The following PTRH2 variants were observed in gnomAD, a reference collection of about 807,000 sequenced individuals.
PTRH2 encodes the protein peptidyl-tRNA hydrolase 2, also known as peptidyl-tRNA hydrolase 2, mitochondrial.
PTRH2 carries 10 observed loss-of-function variants against 12.3 expected under a neutral mutation model. The observed-to-expected ratio is 0.81, with a 90% CI of 0.50 to 1.38. The LOEUF (loss-of-function observed/expected upper bound fraction) is 1.38, where lower values mean the gene tolerates loss of function less well. Ranked by LOEUF, PTRH2 falls within the 40% of genes most tolerant of loss-of-function variation. PTRH2 has a pLI of 0.00. For synonymous variants in PTRH2, 73 were observed against 77.4 expected, an observed-to-expected ratio of 0.94 and a Z score of 0.30; for missense variants, 176 against 214.1, an observed-to-expected ratio of 0.82 and a Z score of 1.11.
At chr17:59,703,238 G>C (rs927895815) in intron 1 of PTRH2, among the ~76,000 whole-genome samples, 1 of 151,860 alleles carries the variant, frequency 6.6e-6, no homozygotes, top group Admixed American at 6.6e-5. Flanking sequence ...TGCCCAGGCT[G>C]GTCTCGAACT....
chr17:59,698,994 C>A (rs139491102), intron 1 of PTRH2: 2 of 672,992 alleles, frequency 3.0e-6, no homozygotes, highest in East Asian at 2.7e-5. Flanking sequence ...TGATGAACAT[C>A]GAGAATAGGT....
At chr17:59,705,683 G>A (rs2033631020) in intron 1 of PTRH2, among the ~76,000 whole-genome samples, 1 of 152,144 alleles carries the variant, frequency 6.6e-6, no homozygotes, top group Admixed American at 6.5e-5. Context: ...TTGAGGTCGA[G>A]GCAGCAGCAT....
intron 1 of PTRH2, chr17:59,700,775 T>A (rs769721163): frequency 1.3e-5 from 2 of 152,102 alleles, no homozygotes; most frequent in Non-Finnish European, 2.9e-5. Context: ...AAAGACTTTA[T>A]AAAGGGATGT....
Position 59,697,473 on chromosome 17 carries a change from A to G in PTRH2, c.506T>C (p.Ile169Thr). The change falls in exon 2 of 2, where the codon ATT becomes ACT. Residue 169 changes from isoleucine (I) to threonine (T), a missense_variant. Transcript: ENST00000393038. The stretch of plus-strand genomic sequence containing the variant: ...TTTTAGGTGACCAGTGACTTTGTCA[A>G]TTAGGTCTGCTGGTCCTGGCCCAAT... ...LGIGPGPADL[I>T]DKVTGHLKLY 1 of 1,613,144 alleles carries G rather than the reference A, an allele frequency of 6.2e-7. No homozygotes were observed. Among genetic ancestry groups the G allele is most frequent in the East Asian group, 2.2e-5 (1 of 44,850 alleles).
chr17:59,706,675 CT>C (rs34194454), intron 1 of PTRH2, among the ~76,000 whole-genome samples: 120,738 of 138,890 alleles, frequency 0.87, 52,587 homozygotes, highest in African/African-American at 0.94. Flanking sequence ...TTTTTTCTTT[CT>C]TTTTTTTTTT....
In PTRH2 at chr17:59,697,486, G is replaced by T. The variant is rs2033459417; in HGVS notation, c.493C>A (p.Pro165Thr). The T allele has an allele frequency of 6.2e-7, 1 of 1,614,034 alleles. No homozygotes were observed. Among genetic ancestry groups the T allele is most frequent in the Non-Finnish European group, 8.5e-7 (1 of 1,179,972 alleles). ...SQTVLGIGPG[P>T]ADLIDKVTGH... Reference sequence around the variant, plus strand: ...GTGACTTTGTCAATTAGGTCTGCTGGTCCTGGCCCAATCCCTAGGACAGTT... The same window carrying T: ...GTGACTTTGTCAATTAGGTCTGCTGTTCCTGGCCCAATCCCTAGGACAGTT... The change falls in exon 2 of 2, where the codon CCA (proline) becomes ACA (threonine). Residue 165 changes from proline to threonine, a missense_variant. Physicochemically the swap from Pro to Thr is conservative, Grantham distance 38 (BLOSUM62 -1). Transcript: ENST00000393038.
At chr17:59,699,005 G>T in intron 1 of PTRH2, 1 of 654,278 alleles carries the variant, frequency 1.5e-6, no homozygotes, top group Non-Finnish European at 2.8e-6. Context: ...GAGAATAGGT[G>T]GTAGAAGGCA....
rs911389665 is a variant in PTRH2 at position 59,698,982 on chromosome 17, T to C, written c.1-1004A>G. 4.8e-5 allele frequency: 33 copies of C among 689,108 alleles called. No individual in the cohort carries two copies. The East Asian group carries it at 6.2e-4, about 13-fold the overall frequency. 42.7% of individuals were successfully genotyped at this position (689,108 alleles called of 1,614,324 possible). On this transcript the variant is annotated intron_variant, in intron 1 of 1. Coordinates refer to ENST00000393038, the MANE Select transcript of PTRH2 (RefSeq NM_016077.5). The stretch of plus-strand genomic sequence containing the variant: ...AACAGGGTCCTCAATTTCTCTCTCT[T>C]CTGATGAACATCGAGAATAGGTGGT...
intron 1 of PTRH2, among the ~76,000 whole-genome samples, chr17:59,702,962 CTAGGCTAAACTACCATGTTTGGTAGGT>C (rs1170548734): frequency 6.6e-6 from 1 of 152,124 alleles, no homozygotes; most frequent in Non-Finnish European, 1.5e-5. Context: ...TTAAGGTAGG[CTAGGCTAAACTACCATGTTTGGTAGGT>C]TAGGTGTATT....
At chr17:59,703,828 A>G (rs2033596438) in intron 1 of PTRH2, among the ~76,000 whole-genome samples, 3 of 121,118 alleles carry the variant, frequency 2.5e-5, no homozygotes, top group Middle Eastern at 8.1e-3. Flanking sequence ...TTTTTTTTGG[A>G]GACGGAGTCT....
intron 1 of PTRH2, chr17:59,699,175 C>T: frequency 2.9e-6 from 1 of 349,708 alleles, no homozygotes; most frequent in Non-Finnish European, 5.3e-6. Flanking sequence ...TGGCGAATCT[C>T]TCGTAATTGA....
At position 59,697,837 on chromosome 17, in the gene PTRH2, T is replaced by C; in HGVS notation, c.142A>G (p.Thr48Ala). 4 of 1,614,200 alleles carry C rather than the reference T, an allele frequency of 2.5e-6. No individual in the cohort carries two copies. The highest frequency in any genetic ancestry group is 3.4e-6 in the Non-Finnish European group (4 of 1,180,032). ...GCTTCACTTTCAGTATCTGTGTGTG[T>C]CTTGCTCGTCTTGCTTTTGGGGAGC... ...GMLPKSKTSK[T>A]HTDTESEASI... is the part of the protein sequence containing the mutation. Residue 48 changes from threonine to alanine, a missense_variant, in exon 2 of 2, where the codon ACA becomes GCA. Transcript: ENST00000393038.
rs2033497256 is a variant in PTRH2 at position 59,698,683 on chromosome 17, A to C, written c.1-705T>G. 5 of 545,128 alleles carry C rather than the reference A, an allele frequency of 9.2e-6. No individual in the cohort carries two copies. The East Asian group carries it at 1.5e-4, about 16-fold the overall frequency. The allele number at this position is 545,128 out of a possible 1,614,324, so 33.8% of individuals were successfully genotyped here. A position where few individuals can be genotyped will look rare whatever the true frequency, so the allele number is the denominator to read the frequency against. On this transcript the variant is annotated intron_variant, in intron 1 of 1. Coordinates refer to ENST00000393038, the MANE Select transcript of PTRH2 (RefSeq NM_016077.5). ...TAATTGAAAATACTGTAAGCCAAAA[A>C]TGCATTTAATACACCTACAGAATAT...
At chr17:59,704,793 CTTT>C (rs536505282) in intron 1 of PTRH2, among the ~76,000 whole-genome samples, 2 of 150,346 alleles carry the variant, frequency 1.3e-5, no homozygotes, top group Admixed American at 6.6e-5. Context: ...ACAGAGAATT[CTTT>C]TTTTTTTCTT....
Position 59,697,666 on chromosome 17 carries a change from G to T in PTRH2, c.313C>A (p.Leu105Ile), listed in dbSNP as rs2033465321. 1 of 1,614,198 alleles carries T rather than the reference G, an allele frequency of 6.2e-7. No individual in the cohort carries two copies. Among genetic ancestry groups the T allele is most frequent in the East Asian group, 2.2e-5 (1 of 44,888 alleles). The stretch of plus-strand genomic sequence containing the variant: ...TGGCCACAGTATTCCCATTGTTTGA[G>T]CATTTCAGGATTTCTTCTTTGAATC... ...KQIQRRNPEM[L>I]KQWEYCGQPK... The change falls in exon 2 of 2, where the codon CTC (leucine) becomes ATC (isoleucine). Residue 105 changes from leucine (L) to isoleucine (I), a missense_variant. Transcript: ENST00000393038.
chr17:59,703,759 G>A lies in PTRH2; in HGVS notation c.-1+3612C>T, dbSNP rs1234071680. ...GATCTCAGGTGATCCAGCCACCTCG[G>A]CCTCCCAAAGTGCTGGGATTACGGG... On this transcript the variant is annotated intron_variant, in intron 1 of 1. Transcript: ENST00000393038. Among the ~76,000 whole-genome samples the A allele has an allele frequency of 1.3e-4, 19 of 148,038 alleles. No homozygotes were observed. The East Asian group carries it at 1.4e-3, about 11-fold the overall frequency.
At chr17:59,704,836 T>C (rs1253313123) in intron 1 of PTRH2, among the ~76,000 whole-genome samples, 2 of 152,180 alleles carry the variant, frequency 1.3e-5, no homozygotes, top group Non-Finnish European at 2.9e-5. Context: ...TCACCCAGGC[T>C]GGAGTGCAGT....
intron 1 of PTRH2, among the ~76,000 whole-genome samples, chr17:59,705,419 T>C (rs1234065725): frequency 6.6e-6 from 1 of 151,974 alleles, no homozygotes; most frequent in Admixed American, 6.6e-5. Flanking sequence ...AGTTGCCTTT[T>C]TCTTTATTTT....
intron 1 of PTRH2, among the ~76,000 whole-genome samples, chr17:59,703,232 C>T (rs2033585276): frequency 6.6e-6 from 1 of 151,952 alleles, no homozygotes; most frequent in African/African-American, 2.4e-5. Flanking sequence ...TTATGTTGCC[C>T]AGGCTGGTCT....
Sources: gnomAD v4.1 joint callset for allele counts (sites outside exome capture counted in the v4.1 genomes callset) on GRCh38, gnomAD v4.1.1 for gene constraint, MANE v1.5 for transcripts, NCBI Gene and HGNC (gene_info 2026-07-23, HGNC 2026-07-21) for gene names.